GRIK4: variants seen among roughly 807,000 people sequenced by gnomAD.
The protein encoded by GRIK4 is glutamate ionotropic receptor kainate type subunit 4.
A neutral mutation model predicts 104.9 loss-of-function variants in GRIK4; 40 were observed. That is an observed-to-expected ratio of 0.38 (90% CI 0.30 to 0.50). The LOEUF is 0.50. Ranked by LOEUF, GRIK4 falls within the 20% of genes least tolerant of loss-of-function variation. GRIK4 has a pLI of 0.93. For missense variants in GRIK4, 1,047 were observed against 1,308.1 expected (o/e 0.80, Z 3.08); for synonymous variants, 485 against 524.9 (o/e 0.92, Z 1.04).
chr11:120,982,423 T>A (rs1425039117), intron 20 of GRIK4, among the ~76,000 whole-genome samples, 199 bp downstream of exon 20: 1 of 152,232 alleles, frequency 6.6e-6, no homozygotes, highest in East Asian at 1.9e-4. Flanking sequence ...AGAACTATCA[T>A]TTAAGATATA....
chr11:120,543,116 A>G (rs1420253587), intron 1 of GRIK4, among the ~76,000 whole-genome samples: 1 of 152,192 alleles, frequency 6.6e-6, no homozygotes, highest in Non-Finnish European at 1.5e-5. Flanking sequence ...TATGGAAAAC[A>G]GTATGGGGTG....
chr11:120,938,719 C>G (rs1288730001), intron 13 of GRIK4, among the ~76,000 whole-genome samples: 6 of 152,236 alleles, frequency 3.9e-5, no homozygotes, highest in Non-Finnish European at 8.8e-5. Context: ...TTTGCATCAA[C>G]TGATCGACCA....
rs182452523 is a variant in GRIK4, at chr11:120,987,777, T to A, written c.*1517T>A. The A allele has an allele frequency of 1.3e-5, 2 of 152,360 alleles. No individual in the cohort carries two copies. Among genetic ancestry groups the A allele is most frequent in the East Asian group, 1.9e-4 (1 of 5,188 alleles). 9.4% of individuals were successfully genotyped at this position (152,360 alleles called of 1,614,324 possible). On this transcript the variant is annotated 3_prime_UTR_variant, in exon 21 of 21. Transcript: ENST00000527524. ...ACACATCTGATGGGAGGGGCGAGGCTTTCTACAGCTGCTTGACCTTTGCTT... is the reference window on the plus strand; with the variant it reads ...ACACATCTGATGGGAGGGGCGAGGCATTCTACAGCTGCTTGACCTTTGCTT...
At chr11:120,960,765 TC>T (rs1417968180) in intron 16 of GRIK4, 143 bp from the exon 17 acceptor site, 3 of 607,524 alleles carry the variant, frequency 4.9e-6, no homozygotes, top group Non-Finnish European at 5.8e-6. Context: ...ATGCCCTGCC[TC>T]CTTTCTCTTC....
chr11:120,891,840 T>G (rs1244897439), intron 11 of GRIK4, among the ~76,000 whole-genome samples: 1 of 152,144 alleles, frequency 6.6e-6, no homozygotes, highest in Non-Finnish European at 1.5e-5. Context: ...AGCTGAAGCC[T>G]GAGGGGATTA....
intron 8 of GRIK4, among the ~76,000 whole-genome samples, chr11:120,849,476 A>G (rs1953927687): frequency 6.6e-6 from 1 of 152,198 alleles, no homozygotes; most frequent in Non-Finnish European, 1.5e-5. Context: ...ATTATTCACA[A>G]TCAAGAGAGT....
At chr11:120,783,397 T>A (rs1952201047) in intron 3 of GRIK4, among the ~76,000 whole-genome samples, 1 of 152,112 alleles carries the variant, frequency 6.6e-6, no homozygotes, top group Admixed American at 6.6e-5. Flanking sequence ...CCCTTCCTCC[T>A]CTTCTCTCCT....
At chr11:120,826,659 C>T (rs1213908797) in intron 6 of GRIK4, among the ~76,000 whole-genome samples, 4 of 152,214 alleles carry the variant, frequency 2.6e-5, no homozygotes, top group South Asian at 2.1e-4. Flanking sequence ...GTAGAAGGGA[C>T]AGCCTCGATG....
chr11:120,692,474 C>T (rs1317873676), intron 3 of GRIK4, among the ~76,000 whole-genome samples: 1 of 152,074 alleles, frequency 6.6e-6, no homozygotes, highest in Non-Finnish European at 1.5e-5. Context: ...GTGACCATGG[C>T]GGGGATAGAG....
chr11:120,937,438 T>G (rs1173981210), intron 13 of GRIK4, among the ~76,000 whole-genome samples: 1 of 152,204 alleles, frequency 6.6e-6, no homozygotes, highest in Non-Finnish European at 1.5e-5. Flanking sequence ...CAAGCTAAAG[T>G]AGGTAATTAC....
At chr11:120,760,447 ACTTTT>A (rs1951729558) in intron 3 of GRIK4, among the ~76,000 whole-genome samples, 1 of 148,618 alleles carries the variant, frequency 6.7e-6, no homozygotes, top group South Asian at 2.1e-4. Flanking sequence ...ATATATATAT[ACTTTT>A]CTTTTTTATT....
At chr11:120,833,428 G>C (rs1248974444) in intron 7 of GRIK4, among the ~76,000 whole-genome samples, 2 of 152,178 alleles carry the variant, frequency 1.3e-5, no homozygotes, top group Non-Finnish European at 2.9e-5. Context: ...CACGAGAGGA[G>C]AGGGGCCCTC....
At chr11:120,921,844 A>G (rs1201532212) in intron 13 of GRIK4, among the ~76,000 whole-genome samples, 1 of 152,168 alleles carries the variant, frequency 6.6e-6, no homozygotes, top group African/African-American at 2.4e-5. Context: ...TCATTCTTTA[A>G]GCTTTAAACC....
rs1949792298 is a variant in GRIK4 at position 120,660,343 on chromosome 11, G to A, written c.25G>A (p.Val9Met). Residue 9 changes from valine (V) to methionine (M), a missense_variant, in exon 3 of 21, where the codon GTG (valine) becomes ATG (methionine). By Grantham distance (21) the Val-to-Met change is conservative (BLOSUM62 1). Around this residue, in one of 3 missense-constraint regions of GRIK4, gnomAD observed 447 missense variants for 514.9 expected, o/e 0.87. Coordinates refer to ENST00000527524, the MANE Select transcript of GRIK4 (RefSeq NM_014619.5). ...GATGCCCCGCGTCTCGGCGCCTTTG[G>A]TGCTGCTTCCTGCGTGGCTCGTGAT... MPRVSAPL[V>M]LLPAWLVMVA... 2 of 1,613,338 alleles carry A rather than the reference G, an allele frequency of 1.2e-6. No individual in the cohort carries two copies. Among genetic ancestry groups the A allele is most frequent in the South Asian group, 1.1e-5 (1 of 91,088 alleles).
chr11:120,844,452 C>T lies in GRIK4; in HGVS notation c.744+7608C>T, dbSNP rs572923100. On this transcript the variant is annotated intron_variant, in intron 8 of 20. Coordinates refer to ENST00000527524, the MANE Select transcript of GRIK4 (RefSeq NM_014619.5). ...AGATCAAATCAGTCTTGTTCATCAC[C>T]ATAGATCCAGTGGCCTCCTACATAG... is the stretch of plus-strand genomic sequence containing the variant. Among the ~76,000 whole-genome samples the T allele has an allele frequency of 1.2e-4, 19 of 152,302 alleles. No individual in the cohort carries two copies. In the East Asian group the frequency reaches 2.3e-3, roughly 19 times the overall value.
At chr11:120,784,611 A>C (rs2852222) in intron 3 of GRIK4, among the ~76,000 whole-genome samples, 1,774 of 152,256 alleles carry the variant, frequency 0.012, 32 homozygotes, top group African/African-American at 0.04. Flanking sequence ...CCTATGGCTT[A>C]GGGTCACCCT....
intron 11 of GRIK4, among the ~76,000 whole-genome samples, chr11:120,881,781 G>A (rs1954974323): frequency 6.6e-6 from 1 of 152,170 alleles, no homozygotes; most frequent in South Asian, 2.1e-4. Context: ...CCCCCTTTCC[G>A]GGGGAGTTGG....
At chr11:120,530,929 C>T (rs1313648756) in intron 1 of GRIK4, among the ~76,000 whole-genome samples, 4 of 152,112 alleles carry the variant, frequency 2.6e-5, no homozygotes, top group South Asian at 4.2e-4. Flanking sequence ...GAGAAAATGC[C>T]GGTTCACAAA....
At chr11:120,867,000 T>C (rs2135651418) in intron 9 of GRIK4, among the ~76,000 whole-genome samples, 1 of 152,270 alleles carries the variant, frequency 6.6e-6, no homozygotes, top group East Asian at 1.9e-4. Context: ...GTGGGGAAAC[T>C]GAGGCACGGA....
Sources: gnomAD v4.1 joint callset for allele counts (sites outside exome capture counted in the v4.1 genomes callset) on GRCh38, gnomAD v4.1.1 for gene constraint, gnomAD v4.1.1 regional missense constraint, MANE v1.5 for transcripts, NCBI Gene and HGNC (gene_info 2026-07-23, HGNC 2026-07-21) for gene names.